Variants in SAMD12 observed in about 807,000 individuals in gnomAD.
SAMD12 encodes sterile alpha motif domain containing 12, also known as sterile alpha motif domain-containing protein 12.
In SAMD12, 9 loss-of-function variants were observed where a neutral mutation model predicts 15.0. The observed-to-expected ratio is 0.60, with a 90% CI of 0.36 to 1.05. SAMD12 has a LOEUF of 1.05. SAMD12 is among the 50% of genes least tolerant of loss of function. SAMD12 has a pLI of 0.01. For synonymous variants in SAMD12, 86 were observed against 90.1 expected (o/e 0.96, Z 0.25); for missense variants, 230 against 234.2 (o/e 0.98, Z 0.12).
intron 2 of SAMD12, among the ~76,000 whole-genome samples, chr8:118,461,217 G>C (rs1338118332): frequency 1.8e-4 from 28 of 152,124 alleles, no homozygotes; most frequent in Admixed American, 1.8e-3. Context: ...TATTTTGTGG[G>C]TACACACAGT....
intron 2 of SAMD12, among the ~76,000 whole-genome samples, chr8:118,448,916 T>C (rs1822994870): frequency 6.6e-6 from 1 of 152,228 alleles, no homozygotes; most frequent in Admixed American, 6.5e-5. Context: ...ATGGTTTAAC[T>C]AAAGTACTTT....
chr8:118,520,209 T>C (rs910071255), intron 2 of SAMD12, among the ~76,000 whole-genome samples: 3 of 151,780 alleles, frequency 2.0e-5, no homozygotes, highest in Non-Finnish European at 4.4e-5. Flanking sequence ...GTACAGTACC[T>C]GCTTTTAGTA....
the SAMD12 span, among the ~76,000 whole-genome samples, chr8:118,136,594 G>A: frequency 3.3e-5 from 5 of 152,172 alleles, no homozygotes; most frequent in South Asian, 1.0e-3. Flanking sequence ...TATGGGCTGG[G>A]TTTTCCCACG....
rs17454784 is a variant in SAMD12 at position 118,211,513 on chromosome 8, A to G, written c.434-13781T>C. Among the ~76,000 whole-genome samples the G allele has an allele frequency of 2.1e-3, 318 of 152,336 alleles. 1 individual carries two copies. Among genetic ancestry groups the G allele is most frequent in the Non-Finnish European group, 3.5e-3 (239 of 68,040 alleles). ...ACGACAGCTTTCTTTTGCAAGGGCC[A>G]AGGAATGTTTAATGTCCTGCTTTAA... On this transcript the variant is annotated intron_variant, in intron 4 of 4. Coordinates refer to the SAMD12 transcript ENST00000409003.
intron 2 of SAMD12, among the ~76,000 whole-genome samples, chr8:118,446,784 C>T (rs538801074): frequency 1.2e-4 from 18 of 152,222 alleles, no homozygotes; most frequent in Non-Finnish European, 2.1e-4. Flanking sequence ...TTTCACATGT[C>T]GTATCAGGGC....
chr8:118,295,060 A>T (rs1168607925), intron 4 of SAMD12, among the ~76,000 whole-genome samples: 1 of 152,100 alleles, frequency 6.6e-6, no homozygotes, highest in Non-Finnish European at 1.5e-5. Context: ...TTACGTGAAA[A>T]TTGGGAAAAC....
intron 4 of SAMD12, among the ~76,000 whole-genome samples, chr8:118,365,623 G>A (rs555002575): frequency 1.6e-3 from 247 of 151,918 alleles, no homozygotes; most frequent in Non-Finnish European, 2.4e-3. Flanking sequence ...CAGCTTTCCC[G>A]GTTCTTCCGC....
At chr8:118,146,401 A>G in the SAMD12 span, among the ~76,000 whole-genome samples, 34 of 152,332 alleles carry the variant, frequency 2.2e-4, no homozygotes, top group Middle Eastern at 3.4e-3. Flanking sequence ...TAAGAAATTC[A>G]GGCAGCATAA....
chr8:118,165,597 T>C, the SAMD12 span, among the ~76,000 whole-genome samples: 1 of 93,228 alleles, frequency 1.1e-5, no homozygotes, highest in Non-Finnish European at 2.0e-5. Context: ...TATATATACA[T>C]ATATACATAT....
chr8:118,536,560 G>A (rs1825851066), intron 2 of SAMD12, among the ~76,000 whole-genome samples: 1 of 151,910 alleles, frequency 6.6e-6, no homozygotes, highest in Non-Finnish European at 1.5e-5. Context: ...GTTATCATGA[G>A]GCTTGCATAT....
chr8:118,425,677 CAT>C (rs1822210653), intron 3 of SAMD12, among the ~76,000 whole-genome samples: 4 of 152,160 alleles, frequency 2.6e-5, no homozygotes, highest in Admixed American at 2.0e-4. Flanking sequence ...GATTTAGTAT[CAT>C]GTGTCATTAT....
chr8:118,495,752 T>G (rs1026556183), intron 2 of SAMD12, among the ~76,000 whole-genome samples: 3 of 152,258 alleles, frequency 2.0e-5, no homozygotes, highest in Non-Finnish European at 2.9e-5. Flanking sequence ...AGATAATATA[T>G]AGAGAGAATT....
At chr8:118,343,791 C>T (rs1477040107) in intron 4 of SAMD12, among the ~76,000 whole-genome samples, 1 of 152,082 alleles carries the variant, frequency 6.6e-6, no homozygotes, top group Non-Finnish European at 1.5e-5. Context: ...CGGACTAGGT[C>T]AGGACTTCCA....
chr8:118,291,502 T>G (rs1814361841), intron 4 of SAMD12, among the ~76,000 whole-genome samples: 1 of 152,052 alleles, frequency 6.6e-6, no homozygotes, highest in South Asian at 2.1e-4. Context: ...AACACAGAAT[T>G]CCCCTTATGG....
chr8:118,597,523 C>G (rs1827753599), intron 1 of SAMD12, among the ~76,000 whole-genome samples: 1 of 152,240 alleles, frequency 6.6e-6, no homozygotes, highest in Non-Finnish European at 1.5e-5. Context: ...GCATCCCAAG[C>G]TAGGGATGCA....
At chr8:118,353,367 G>A (rs1586585762) in intron 4 of SAMD12, among the ~76,000 whole-genome samples, 1 of 151,778 alleles carries the variant, frequency 6.6e-6, no homozygotes, top group East Asian at 1.9e-4. Context: ...TTCCCAAAGT[G>A]ATGGTATTTG....
intron 4 of SAMD12, among the ~76,000 whole-genome samples, chr8:118,311,487 T>C (rs773985078): frequency 6.6e-5 from 10 of 152,204 alleles, no homozygotes; most frequent in Non-Finnish European, 1.5e-4. Context: ...TCTAGCCCTT[T>C]ATAGAAAGTT....
intron 1 of SAMD12, among the ~76,000 whole-genome samples, chr8:118,589,779 A>G (rs1294971949): frequency 6.6e-6 from 1 of 152,238 alleles, no homozygotes; most frequent in Non-Finnish European, 1.5e-5. Flanking sequence ...AATCATCTTT[A>G]TGTATATGAA....
downstream of SAMD12, chr8:118,375,801 T>G (rs1287056892): frequency 3.3e-5 from 5 of 152,204 alleles, no homozygotes; most frequent in African/African-American, 1.2e-4. Flanking sequence ...ATCCACCATA[T>G]TCCCTGTCCC....
Sources: allele counts gnomAD v4.1 joint callset (sites outside exome capture counted in the v4.1 genomes callset), GRCh38; gene constraint gnomAD v4.1.1; transcripts MANE v1.5; gene names NCBI Gene and HGNC (gene_info 2026-07-23, HGNC 2026-07-21).